Variants in CHD6 observed in about 807,000 individuals in gnomAD.
CHD6 encodes the protein ATP-dependent chromatin remodeler CHD6.
CHD6 carries 50 observed loss-of-function variants against 276.9 expected under a neutral mutation model. The ratio of observed to expected loss-of-function variants is 0.18; its 90% CI spans 0.14 to 0.23. The LOEUF is 0.23. Among genes scored for constraint, CHD6 ranks in the 10% least tolerant of loss-of-function variants. The probability of loss-of-function intolerance (pLI) is 1.00; values close to 1 mark genes in which losing one functional copy is unlikely to be tolerated. For missense variants in CHD6, 2,564 were observed against 3,365.8 expected (o/e 0.76, Z 5.89); for synonymous variants, 1,173 against 1,229.3 (o/e 0.95, Z 0.96).
rs2145686530 is a variant in CHD6, at chr20:41,456,062, T to C, written c.2830-83A>G. The C allele has an allele frequency of 3.1e-6, 4 of 1,309,272 alleles. No individual in the cohort carries two copies. In the South Asian group the frequency reaches 6.7e-5, roughly 22 times the overall value. 81.1% of individuals were successfully genotyped at this position (1,309,272 alleles called of 1,614,324 possible). On this transcript the variant is annotated intron_variant, in intron 18 of 36. Coordinates refer to ENST00000373233, the MANE Select transcript of CHD6 (RefSeq NM_032221.5). The stretch of plus-strand genomic sequence containing the variant: ...CTCAAATCTGGTTTTTGTGATTCAG[T>C]GCATAGTTCCTCCATGAACTACATG...
chr20:41,538,611 T>G (rs143460577), intron 2 of CHD6, among the ~76,000 whole-genome samples: 184 of 152,332 alleles, frequency 1.2e-3, no homozygotes, highest in Non-Finnish European at 2.0e-3. Flanking sequence ...TGCACATTTT[T>G]AAAGGGTGGA....
chr20:41,578,500 CAAT>C (rs1316161083), intron 1 of CHD6, among the ~76,000 whole-genome samples: 1 of 151,978 alleles, frequency 6.6e-6, no homozygotes, highest in Non-Finnish European at 1.5e-5. Flanking sequence ...ATTTAGGTAA[CAAT>C]CACCAAGGAA....
Position 41,445,702 on chromosome 20 carries a change from T to G in CHD6, c.3840A>C (p.Glu1280Asp). 6.2e-7 allele frequency: 1 copy of G among 1,613,862 alleles called. No individual in the cohort carries two copies. The highest frequency in any genetic ancestry group is 8.5e-7 in the Non-Finnish European group (1 of 1,179,792). Residue 1280 changes from glutamate to aspartate, a missense_variant, in exon 25 of 37, where the codon GAA becomes GAC. This residue lies in a region of CHD6 where 515 missense variants were observed against 739.5 expected (regional missense o/e 0.70). Coordinates refer to ENST00000373233, the MANE Select transcript of CHD6 (RefSeq NM_032221.5). ...CGCCAATGAGAAGTGACTTATCGGC[T>G]TCAGCATCCCACCAGTCCACTGGGA... ...MEIPVDWWDAEADKSLLIGVF... is the reference protein window; with the variant it reads ...MEIPVDWWDADADKSLLIGVF...
At chr20:41,476,654 T>C (rs1440888330) in intron 16 of CHD6, among the ~76,000 whole-genome samples, 1 of 152,186 alleles carries the variant, frequency 6.6e-6, no homozygotes, top group Non-Finnish European at 1.5e-5. Context: ...CCATTATGAC[T>C]GTAATACCTA....
intron 1 of CHD6, among the ~76,000 whole-genome samples, chr20:41,598,113 T>C (rs377397290): frequency 1.6e-4 from 24 of 152,110 alleles, no homozygotes; most frequent in African/African-American, 4.3e-4. Context: ...CCCCCACCAA[T>C]TGCCAGCAAA....
chr20:41,454,763 C>G, intron 19 of CHD6, 27 bp from the exon 20 acceptor site: 1 of 1,536,158 alleles, frequency 6.5e-7, no homozygotes, highest in Non-Finnish European at 9.0e-7. Flanking sequence ...AATTAATAAA[C>G]TGTGCTTGAA....
Position 41,511,001 on chromosome 20 carries a change from G to T in CHD6, c.852+1845C>A, listed in dbSNP as rs185329345. 9.2e-5 allele frequency among the ~76,000 whole-genome samples: 14 copies of T among 152,222 alleles called. 1 individual carries two copies. The highest frequency in any genetic ancestry group is 9.2e-4 in the Admixed American group (14 of 15,298). On this transcript the variant is annotated intron_variant, in intron 5 of 36. Coordinates refer to ENST00000373233, the MANE Select transcript of CHD6 (RefSeq NM_032221.5). ...CATGACATGAAATCAACTGTTATAT[G>T]CTAGTCACTGATTAACTGCTGCTAT...
chr20:41,482,627 A>T, intron 16 of CHD6: 1 of 453,934 alleles, frequency 2.2e-6, no homozygotes, highest in Non-Finnish European at 4.4e-6. Flanking sequence ...TTAAAAACTC[A>T]TTTGTCATCT....
intron 1 of CHD6, among the ~76,000 whole-genome samples, chr20:41,604,319 AAGG>A (rs1476825997): frequency 2.6e-5 from 4 of 152,180 alleles, no homozygotes; most frequent in Admixed American, 1.3e-4. Flanking sequence ...CATGCCCAGG[AAGG>A]AGTATAAAAC....
chr20:41,440,233 A>C, intron 25 of CHD6, 104 bp from the exon 26 acceptor site: 1 of 1,023,166 alleles, frequency 9.8e-7, no homozygotes, highest in Non-Finnish European at 1.5e-6. Flanking sequence ...GAACAAAACA[A>C]ACACAAAAAA....
chr20:41,473,128 C>T lies in CHD6; in HGVS notation c.2664+194G>A. On this transcript the variant is annotated intron_variant, in intron 17 of 36. Transcript: ENST00000373233. The surrounding 1 kb of genome is among the most constrained non-coding windows in gnomAD (Gnocchi z 4.1). The stretch of plus-strand genomic sequence containing the variant: ...TCATTTGATTTAACGGAAAGAACCA[C>T]ACTCTCTAATTAGTTGGAAGGGTCG... The T allele has an allele frequency of 3.8e-6, 2 of 522,182 alleles. No individual in the cohort carries two copies. Among genetic ancestry groups the T allele is most frequent in the South Asian group, 3.4e-5 (1 of 29,646 alleles). 32.3% of individuals were successfully genotyped at this position (522,182 alleles called of 1,614,324 possible).
chr20:41,607,392 C>T (rs141205672), intron 1 of CHD6, among the ~76,000 whole-genome samples: 2 of 152,204 alleles, frequency 1.3e-5, no homozygotes, highest in South Asian at 4.1e-4. Flanking sequence ...TCTGTCTCTT[C>T]TAACACAAAG....
At chr20:41,522,197 T>A (rs921514861) in intron 3 of CHD6, among the ~76,000 whole-genome samples, 2 of 151,644 alleles carry the variant, frequency 1.3e-5, no homozygotes, top group Non-Finnish European at 2.9e-5. Context: ...GGAAAAAAAA[T>A]CAGCCACACA....
intron 5 of CHD6, among the ~76,000 whole-genome samples, chr20:41,506,897 G>C: frequency 6.6e-6 from 1 of 152,206 alleles, no homozygotes; most frequent in East Asian, 1.9e-4. Context: ...AATGTTAGGA[G>C]ATTTTGCAAT....
intron 3 of CHD6, among the ~76,000 whole-genome samples, chr20:41,523,492 G>GA (rs1265721153): frequency 6.6e-6 from 1 of 152,124 alleles, no homozygotes; most frequent in Non-Finnish European, 1.5e-5. Flanking sequence ...TGACATGCAA[G>GA]AAACTCCCAA....
chr20:41,429,548 TATG>T (rs1367355229), intron 27 of CHD6, among the ~76,000 whole-genome samples: 2 of 152,154 alleles, frequency 1.3e-5, no homozygotes, highest in East Asian at 3.9e-4. Flanking sequence ...CTGGATATGA[TATG>T]ATATGGAAAA....
chr20:41,467,364 G>C (rs2042943898), intron 17 of CHD6, among the ~76,000 whole-genome samples: 3 of 152,192 alleles, frequency 2.0e-5, no homozygotes, highest in South Asian at 2.1e-4. Context: ...CAAGGGAAAT[G>C]CATCAGCAAA....
At chr20:41,439,961 T>G in intron 26 of CHD6, 39 bp downstream of exon 26, 1 of 1,608,946 alleles carries the variant, frequency 6.2e-7, no homozygotes, top group Non-Finnish European at 8.5e-7. Context: ...ATCAGTGGCA[T>G]GGCATGTCAC....
At chr20:41,455,547 G>T (rs1051478856) in intron 19 of CHD6, among the ~76,000 whole-genome samples, 1 of 152,210 alleles carries the variant, frequency 6.6e-6, no homozygotes, top group Non-Finnish European at 1.5e-5. Context: ...CTGAGAATAG[G>T]AGTGTTTATT....
Sources: allele counts gnomAD v4.1 joint callset (sites outside exome capture counted in the v4.1 genomes callset), GRCh38; gene constraint gnomAD v4.1.1; regional missense constraint gnomAD v4.1.1; non-coding constraint Gnocchi (gnomAD v3.1); transcripts MANE v1.5; gene names NCBI Gene and HGNC (gene_info 2026-07-23, HGNC 2026-07-21).